Variants in DNAH3 observed in about 807,000 individuals in gnomAD.
The protein encoded by DNAH3 is axonemal beta dynein heavy chain 3.
A neutral mutation model predicts 432.5 loss-of-function variants in DNAH3; 332 were observed. The ratio of observed to expected loss-of-function variants is 0.77; its 90% CI spans 0.70 to 0.84. The LOEUF is 0.84. Among genes scored for constraint, DNAH3 ranks in the 40% least tolerant of loss-of-function variants. DNAH3 has a pLI of 0.00. For synonymous variants in DNAH3, 1,956 were observed against 1,900.2 expected (o/e 1.03, Z -0.76); for missense variants, 4,861 against 5,114.0 (o/e 0.95, Z 1.51).
intron 31 of DNAH3, among the ~76,000 whole-genome samples, chr16:21,045,091 G>A (rs1230648382): frequency 6.6e-6 from 1 of 152,074 alleles, no homozygotes; most frequent in African/African-American, 2.4e-5. Flanking sequence ...TTTTATTGAG[G>A]ATTTTTGCAT....
chr16:20,933,462 C>A (rs768052447), exon 62 of DNAH3: 1 of 1,612,226 alleles, frequency 6.2e-7, no homozygotes, highest in Non-Finnish European at 8.5e-7. Flanking sequence ...TTGATGTAGG[C>A]CCCATCTTCG....
At chr16:21,016,720 G>C (rs1493086) in intron 41 of DNAH3, among the ~76,000 whole-genome samples, 5,311 of 152,246 alleles carry the variant, frequency 0.035, 129 homozygotes, top group Non-Finnish European at 0.053. Context: ...GTTCATAGCA[G>C]CTTTATTCGC....
chr16:20,983,245 C>A (rs1373239175), intron 48 of DNAH3, among the ~76,000 whole-genome samples: 2 of 152,178 alleles, frequency 1.3e-5, no homozygotes, highest in African/African-American at 4.8e-5. Context: ...CCTGCCTCAG[C>A]TTCCTGAGTA....
At chr16:21,078,430 C>T (rs963122506) in intron 20 of DNAH3, among the ~76,000 whole-genome samples, 7 of 152,132 alleles carry the variant, frequency 4.6e-5, no homozygotes, top group Non-Finnish European at 7.4e-5. Flanking sequence ...CTGATCAGGA[C>T]CTCAGCAGCG....
Position 20,964,446 on chromosome 16 carries a change from T to C in DNAH3, c.9438A>G (p.Thr3146=), listed in dbSNP as rs531028811. Residue 3146 remains threonine, a synonymous_variant, in exon 53 of 62, where the codon ACA becomes ACG. Transcript: ENST00000261383. ...TGTACTCAACTCCTTGCTGTTTGAATGTTGCCTTGAGCAAGATAGGTTCGA... is the reference window on the plus strand; with the variant it reads ...TGTACTCAACTCCTTGCTGTTTGAACGTTGCCTTGAGCAAGATAGGTTCGA... The C allele has an allele frequency of 3.3e-5, 53 of 1,614,224 alleles. 2 individuals are homozygous for C. The South Asian group carries it at 5.2e-4, about 16-fold the overall frequency.
Position 20,936,688 on chromosome 16 carries a change from G to GC in DNAH3, c.11819dup (p.Tyr3941LeufsTer4). The GC allele has an allele frequency of 6.2e-7, 1 of 1,606,518 alleles. No homozygotes were observed. Among genetic ancestry groups the GC allele is most frequent in the Non-Finnish European group, 8.5e-7 (1 of 1,176,594 alleles). On this transcript the variant is annotated frameshift_variant, in exon 60 of 62. Transcript: ENST00000261383. LOFTEE classifies it high-confidence loss of function. ...GGCGGGCCAGCAGGTCAGCCACGTA[G>GC]CCCCCCAGAGGCTTCAGTGATGGGT...
At chr16:20,933,405 T>C in exon 62 of DNAH3, 1 of 1,614,166 alleles carries the variant, frequency 6.2e-7, no homozygotes, top group Non-Finnish European at 8.5e-7. Flanking sequence ...GATTCCCCAA[T>C]CTGCATCGTT....
exon 53 of DNAH3, chr16:20,963,507 T>A: frequency 6.2e-7 from 1 of 1,613,666 alleles, no homozygotes; most frequent in Non-Finnish European, 8.5e-7. Flanking sequence ...ACCCAGGGAG[T>A]TGCTCCTCAT....
At chr16:21,002,441 GTTGTTA>G (rs1170059434) in intron 42 of DNAH3, among the ~76,000 whole-genome samples, 3 of 92,592 alleles carry the variant, frequency 3.2e-5, no homozygotes, top group African/African-American at 9.6e-5. Flanking sequence ...ACTATCTGGT[GTTGTTA>G]TTATTATTAT....
chr16:20,957,019 G>A (rs978349376), intron 54 of DNAH3, among the ~76,000 whole-genome samples: 5 of 152,040 alleles, frequency 3.3e-5, no homozygotes, highest in African/African-American at 4.8e-5. Flanking sequence ...CACCTCACTC[G>A]GCCCCAAACA....
intron 54 of DNAH3, among the ~76,000 whole-genome samples, chr16:20,957,594 C>T (rs913986816): frequency 6.6e-6 from 1 of 151,782 alleles, no homozygotes; most frequent in Non-Finnish European, 1.5e-5. Flanking sequence ...GGGCGGATCA[C>T]CTAAGGTTGG....
chr16:21,127,606 G>A, intron 8 of DNAH3, 81 bp downstream of exon 9: 1 of 1,532,034 alleles, frequency 6.5e-7, no homozygotes, highest in Non-Finnish European at 8.8e-7. Flanking sequence ...CAAACCCCAG[G>A]CTGGGTACCA....
At chr16:20,964,577 C>T (rs751944053) in exon 53 of DNAH3, 5 of 1,614,194 alleles carry the variant, frequency 3.1e-6, no homozygotes, top group Admixed American at 1.7e-5. Context: ...AACTTGATGA[C>T]AGCCAGTTTA....
chr16:21,157,540 G>A (rs2092907240), intron 1 of DNAH3, among the ~76,000 whole-genome samples: 1 of 151,966 alleles, frequency 6.6e-6, no homozygotes, highest in South Asian at 2.1e-4. Context: ...ATGTTGGCCA[G>A]GCTGGTCTGG....
At chr16:21,087,904 T>C (rs1212137909) in intron 18 of DNAH3, among the ~76,000 whole-genome samples, 1 of 152,062 alleles carries the variant, frequency 6.6e-6, no homozygotes, top group East Asian at 1.9e-4. Context: ...TCAAAAAATA[T>C]ATGTATTTTA....
chr16:21,121,114 G>T (rs1241631736), intron 10 of DNAH3: 3 of 580,180 alleles, frequency 5.2e-6, no homozygotes, highest in South Asian at 4.7e-5. Flanking sequence ...GAGAGAGTGA[G>T]AAGGTGGAAG....
At chr16:21,059,818 G>A (rs1385810128) in intron 26 of DNAH3, among the ~76,000 whole-genome samples, 3 of 151,438 alleles carry the variant, frequency 2.0e-5, no homozygotes, top group East Asian at 1.9e-4. Flanking sequence ...GTCGCTCAAC[G>A]TGAATGTGAC....
At chr16:21,157,203 G>A (rs951006485) in intron 1 of DNAH3, among the ~76,000 whole-genome samples, 2 of 152,032 alleles carry the variant, frequency 1.3e-5, no homozygotes, top group South Asian at 2.1e-4. Flanking sequence ...TATCATTGTC[G>A]TGATCATCAT....
intron 18 of DNAH3, among the ~76,000 whole-genome samples, chr16:21,091,061 G>A (rs1013564141): frequency 2.0e-5 from 3 of 152,084 alleles, no homozygotes; most frequent in Non-Finnish European, 4.4e-5. Flanking sequence ...GTTGAGGTGG[G>A]AGGATCACTT....
Sources: gnomAD v4.1 joint callset for allele counts (sites outside exome capture counted in the v4.1 genomes callset) on GRCh38, gnomAD v4.1.1 for gene constraint, MANE v1.5 for transcripts, NCBI Gene and HGNC (gene_info 2026-07-23, HGNC 2026-07-21) for gene names.